The following FAM135B variants were observed in gnomAD, a reference collection of about 807,000 sequenced individuals.
The protein encoded by FAM135B is protein FAM135B.
Under a neutral mutation model 127.7 loss-of-function variants are expected in FAM135B, and 43 were observed. That is an observed-to-expected ratio of 0.34 (90% confidence interval 0.26 to 0.43). The LOEUF (loss-of-function observed/expected upper bound fraction) is 0.43, where lower values mean the gene tolerates loss of function less well. Ranked by LOEUF, FAM135B falls within the 20% of genes least tolerant of loss-of-function variation. The pLI is 1.00. For missense variants in FAM135B, 1,558 were observed against 1,725.6 expected, an observed-to-expected ratio of 0.90 and a Z score of 1.72; for synonymous variants, 670 against 665.1, an observed-to-expected ratio of 1.01 and a Z score of -0.11.
chr8:138,270,128 C>T (rs1328058162), intron 3 of FAM135B, among the ~76,000 whole-genome samples: 1 of 152,142 alleles, frequency 6.6e-6, no homozygotes, highest in South Asian at 2.1e-4. Context: ...CAATACATGA[C>T]TTCTTGAGAC....
intron 1 of FAM135B, among the ~76,000 whole-genome samples, chr8:138,412,195 A>T (rs576572107): frequency 1.4e-3 from 209 of 152,298 alleles, no homozygotes; most frequent in Middle Eastern, 0.014. Context: ...CAAATCTGCA[A>T]ATGTACCCCT....
At chr8:138,169,570 A>G (rs1419558209) in intron 11 of FAM135B, among the ~76,000 whole-genome samples, 4 of 151,194 alleles carry the variant, frequency 2.6e-5, no homozygotes, top group Non-Finnish European at 1.5e-5. Context: ...TCTTCTCAGC[A>G]TATTTAACTC....
intron 2 of FAM135B, among the ~76,000 whole-genome samples, chr8:138,316,522 A>C (rs1237348299): frequency 1.3e-5 from 2 of 152,234 alleles, no homozygotes; most frequent in East Asian, 1.9e-4. Flanking sequence ...AACAAAAAAA[A>C]CCACAATGAG....
chr8:138,339,539 C>T (rs768028522), intron 2 of FAM135B, among the ~76,000 whole-genome samples: 9 of 151,880 alleles, frequency 5.9e-5, no homozygotes, highest in South Asian at 2.1e-4. Context: ...ACCATGCTTT[C>T]GTGACATCAG....
chr8:138,305,611 C>T (rs1485337848), intron 3 of FAM135B, among the ~76,000 whole-genome samples: 1 of 152,186 alleles, frequency 6.6e-6, no homozygotes, highest in Non-Finnish European at 1.5e-5. Context: ...AAATGTCTTA[C>T]ACCTGTTTTA....
chr8:138,410,511 A>G (rs1833800976), intron 1 of FAM135B, among the ~76,000 whole-genome samples: 1 of 152,210 alleles, frequency 6.6e-6, no homozygotes, highest in Non-Finnish European at 1.5e-5. Context: ...ACCCACAGCA[A>G]TTTGAGTGAA....
intron 6 of FAM135B, among the ~76,000 whole-genome samples, chr8:138,245,313 T>C (rs1194659572): frequency 6.6e-6 from 1 of 152,178 alleles, no homozygotes; most frequent in Non-Finnish European, 1.5e-5. Context: ...GCTAATATGG[T>C]TTCACTGTGT....
chr8:138,393,835 AAGAC>A (rs1832720502), intron 1 of FAM135B, among the ~76,000 whole-genome samples: 1 of 152,168 alleles, frequency 6.6e-6, no homozygotes, highest in Admixed American at 6.5e-5. Flanking sequence ...GACCAACAGT[AAGAC>A]AGAACAAACA....
chr8:138,250,606 C>T (rs1033402622), intron 6 of FAM135B, among the ~76,000 whole-genome samples: 20 of 152,170 alleles, frequency 1.3e-4, no homozygotes, highest in African/African-American at 4.8e-4. Context: ...TCCAAGTCTT[C>T]CTGGTGTAAG....
At chr8:138,301,176 C>A (rs770168019) in intron 3 of FAM135B, among the ~76,000 whole-genome samples, 4 of 152,110 alleles carry the variant, frequency 2.6e-5, no homozygotes, top group Non-Finnish European at 5.9e-5. Flanking sequence ...CTGCACTATG[C>A]GATGTGGACC....
chr8:138,145,198 G>A (rs1383459077), intron 15 of FAM135B, among the ~76,000 whole-genome samples: 1 of 151,938 alleles, frequency 6.6e-6, no homozygotes, highest in East Asian at 1.9e-4. Context: ...GTATTTTTTG[G>A]AGAGAAAGGG....
At chr8:138,332,665 G>A (rs375590702) in intron 2 of FAM135B, among the ~76,000 whole-genome samples, 1 of 152,128 alleles carries the variant, frequency 6.6e-6, no homozygotes, top group East Asian at 1.9e-4. Flanking sequence ...GGCGTGTGGT[G>A]CATTTAGGGG....
chr8:138,211,547 C>T (rs1818143150), intron 7 of FAM135B, among the ~76,000 whole-genome samples: 1 of 152,190 alleles, frequency 6.6e-6, no homozygotes, highest in South Asian at 2.1e-4. Context: ...GGTTTAAGAT[C>T]AAGTTGTTAA....
intron 13 of FAM135B, among the ~76,000 whole-genome samples, chr8:138,150,064 C>T (rs1586605290): frequency 6.6e-6 from 1 of 152,272 alleles, no homozygotes; most frequent in African/African-American, 2.4e-5. Flanking sequence ...TAATATGTAA[C>T]TCTTTAGCAT....
chr8:138,344,830 C>A (rs1479141881), intron 2 of FAM135B, among the ~76,000 whole-genome samples: 1 of 152,144 alleles, frequency 6.6e-6, no homozygotes, highest in Non-Finnish European at 1.5e-5. Context: ...CTGCCTCGGA[C>A]TCCCAAAGTG....
At chr8:138,351,707 T>TA (rs1401834164) in intron 2 of FAM135B, among the ~76,000 whole-genome samples, 1 of 147,980 alleles carries the variant, frequency 6.8e-6, no homozygotes, top group Non-Finnish European at 1.5e-5. Flanking sequence ...TTTTTTTTTT[T>TA]AAGATGGAAT....
intron 3 of FAM135B, among the ~76,000 whole-genome samples, chr8:138,310,450 T>C (rs1034199128): frequency 6.6e-6 from 1 of 152,064 alleles, no homozygotes. Flanking sequence ...GTATGAAAAG[T>C]GCCACCGACA....
intron 7 of FAM135B, among the ~76,000 whole-genome samples, chr8:138,215,528 T>C (rs1407765823): frequency 2.0e-5 from 3 of 152,332 alleles, no homozygotes; most frequent in South Asian, 2.1e-4. Context: ...TAATATTTAC[T>C]AGATGAACAA....
intron 1 of FAM135B, among the ~76,000 whole-genome samples, chr8:138,493,440 G>C (rs1335053886): frequency 6.6e-6 from 1 of 152,082 alleles, no homozygotes; most frequent in Non-Finnish European, 1.5e-5. Flanking sequence ...AAAAATTCTG[G>C]AACCCTCTAT....
Sources: allele counts gnomAD v4.1 joint callset (sites outside exome capture counted in the v4.1 genomes callset), GRCh38; gene constraint gnomAD v4.1.1; transcripts MANE v1.5; gene names NCBI Gene and HGNC (gene_info 2026-07-23, HGNC 2026-07-21).